MATN2: variants seen among roughly 807,000 people sequenced by gnomAD.
The protein encoded by MATN2 is matrilin-2.
MATN2 carries 69 observed loss-of-function variants against 103.2 expected under a neutral mutation model. The observed-to-expected ratio is 0.67, with a 90% CI of 0.55 to 0.82. MATN2 has a LOEUF of 0.82. Ranked by LOEUF, MATN2 falls within the 40% of genes least tolerant of loss-of-function variation. The pLI is 0.00. For missense variants in MATN2, 1,023 were observed against 1,211.5 expected (o/e 0.84, Z 2.31); for synonymous variants, 429 against 450.2 (o/e 0.95, Z 0.60).
intron 4 of MATN2, among the ~76,000 whole-genome samples, chr8:97,946,246 A>G (rs1047257271): frequency 6.6e-6 from 1 of 152,158 alleles, no homozygotes; most frequent in African/African-American, 2.4e-5. Context: ...CCATTCGAAG[A>G]CTAGATCAAA....
intron 4 of MATN2, among the ~76,000 whole-genome samples, chr8:97,944,294 G>A (rs1487496309): frequency 1.3e-5 from 2 of 152,236 alleles, no homozygotes; most frequent in Non-Finnish European, 2.9e-5. Context: ...CAGGCAGTGA[G>A]GGGTCCCAGG....
intron 5 of MATN2, among the ~76,000 whole-genome samples, chr8:97,977,591 C>A (rs1811883091): frequency 6.6e-6 from 1 of 152,108 alleles, no homozygotes; most frequent in Admixed American, 6.5e-5. Context: ...GAGTCACTTT[C>A]TTACTGGTTT....
chr8:97,921,443 C>T (rs893289265), intron 2 of MATN2, among the ~76,000 whole-genome samples: 2 of 151,278 alleles, frequency 1.3e-5, no homozygotes, highest in South Asian at 2.1e-4. Flanking sequence ...CATGTGATGC[C>T]GCAGCTGGCG....
At chr8:97,953,994 A>AT (rs1811056046) in intron 4 of MATN2, among the ~76,000 whole-genome samples, 3 of 152,176 alleles carry the variant, frequency 2.0e-5, no homozygotes, top group South Asian at 4.2e-4. Flanking sequence ...TAAAATAAAA[A>AT]TATCTTCTGT....
chr8:98,023,080 T>C (rs1292593606), intron 13 of MATN2, among the ~76,000 whole-genome samples: 1 of 151,498 alleles, frequency 6.6e-6, no homozygotes, highest in Non-Finnish European at 1.5e-5. Flanking sequence ...AGAGGAAGAC[T>C]CCGTCTCAAA....
chr8:97,878,521 G>A (rs1818152197), intron 1 of MATN2, among the ~76,000 whole-genome samples: 2 of 151,316 alleles, frequency 1.3e-5, no homozygotes, highest in Non-Finnish European at 2.9e-5. Context: ...ACTCCAACCT[G>A]GGCAGCAATG....
chr8:98,014,512 T>C (rs1028105680), intron 10 of MATN2, among the ~76,000 whole-genome samples: 2 of 152,242 alleles, frequency 1.3e-5, no homozygotes, highest in African/African-American at 4.8e-5. Flanking sequence ...GCAGCTGTAA[T>C]TGCAGTTATC....
intron 1 of MATN2, among the ~76,000 whole-genome samples, chr8:97,874,487 C>T (rs898416506): frequency 9.2e-5 from 14 of 151,526 alleles, no homozygotes; most frequent in African/African-American, 3.2e-4. Flanking sequence ...CTCACTGAAA[C>T]CTCAGTCTCC....
intron 1 of MATN2, among the ~76,000 whole-genome samples, chr8:97,882,655 C>T (rs1400019308): frequency 6.6e-6 from 1 of 152,132 alleles, no homozygotes; most frequent in East Asian, 1.9e-4. Context: ...CTTGACCTAC[C>T]AAAGTTCTGG....
intron 7 of MATN2, among the ~76,000 whole-genome samples, chr8:98,002,964 C>T (rs1357969625): frequency 2.0e-5 from 3 of 152,092 alleles, no homozygotes; most frequent in African/African-American, 4.8e-5. Context: ...CAGTCATGCT[C>T]AGGTGGGCCA....
intron 4 of MATN2, among the ~76,000 whole-genome samples, chr8:97,944,022 T>G (rs1438163285): frequency 6.6e-6 from 1 of 152,194 alleles, no homozygotes; most frequent in Non-Finnish European, 1.5e-5. Context: ...GCTCTGGCCT[T>G]GGATTCCTCC....
intron 2 of MATN2, among the ~76,000 whole-genome samples, chr8:97,895,812 C>A (rs543410615): frequency 8.5e-5 from 13 of 152,304 alleles, no homozygotes; most frequent in African/African-American, 2.6e-4. Context: ...ATTCTATTTT[C>A]AGACAAGGAA....
chr8:97,949,794 C>T (rs138868443), intron 4 of MATN2, among the ~76,000 whole-genome samples: 12 of 152,290 alleles, frequency 7.9e-5, no homozygotes, highest in East Asian at 1.9e-4. Flanking sequence ...CTGCAATACA[C>T]GCATCCTGTA....
At chr8:98,034,753 C>T (rs1814172841) in intron 18 of MATN2, among the ~76,000 whole-genome samples, 1 of 152,156 alleles carries the variant, frequency 6.6e-6, no homozygotes, top group Admixed American at 6.5e-5. Flanking sequence ...ATGGTGAAAA[C>T]TCCGTATCGC....
chr8:97,885,292 A>G (rs908431335), intron 1 of MATN2, among the ~76,000 whole-genome samples: 7 of 152,208 alleles, frequency 4.6e-5, no homozygotes, highest in African/African-American at 1.4e-4. Context: ...TAAATCACAT[A>G]TAAATGATGT....
At chr8:97,981,358 CCT>C (rs1812014605) in intron 6 of MATN2, among the ~76,000 whole-genome samples, 1 of 152,084 alleles carries the variant, frequency 6.6e-6, no homozygotes, top group Non-Finnish European at 1.5e-5. Context: ...CCCACCTCAG[CCT>C]CCCAAAGTGC....
At chr8:97,970,825 C>T (rs1470018478) in intron 5 of MATN2, among the ~76,000 whole-genome samples, 2 of 152,122 alleles carry the variant, frequency 1.3e-5, no homozygotes, top group African/African-American at 2.4e-5. Context: ...GTGGCCAACA[C>T]CTGTAGTCCC....
chr8:97,969,654 A>G (rs909887458), intron 5 of MATN2, among the ~76,000 whole-genome samples: 1 of 152,142 alleles, frequency 6.6e-6, no homozygotes, highest in African/African-American at 2.4e-5. Flanking sequence ...TAGGAAGATA[A>G]TTTCTTGGCC....
At chr8:97,909,283 T>G (rs2130063251) in intron 2 of MATN2, among the ~76,000 whole-genome samples, 1 of 152,340 alleles carries the variant, frequency 6.6e-6, no homozygotes, top group Admixed American at 6.5e-5. Flanking sequence ...CTCTGTAGAA[T>G]TTGTCATATG....
Sources: allele counts gnomAD v4.1 joint callset (sites outside exome capture counted in the v4.1 genomes callset), GRCh38; gene constraint gnomAD v4.1.1; transcripts MANE v1.5; gene names NCBI Gene and HGNC (gene_info 2026-07-23, HGNC 2026-07-21).